Variants in ZSWIM9 observed in about 807,000 individuals in gnomAD.
ZSWIM9 encodes the protein uncharacterized protein ZSWIM9.
Under a neutral mutation model 25.0 loss-of-function variants are expected in ZSWIM9, and 11 were observed. The observed-to-expected ratio is 0.44, with a 90% confidence interval of 0.28 to 0.73. The LOEUF is 0.73. Ranked by LOEUF, ZSWIM9 falls within the 30% of genes least tolerant of loss-of-function variation. ZSWIM9 has a pLI of 0.16. For missense variants in ZSWIM9, 1,070 were observed against 1,296.5 expected (o/e 0.83, Z 2.68); for synonymous variants, 562 against 582.1 (o/e 0.97, Z 0.50).
At chr19:48,193,043 T>C (rs1033988952) in intron 3 of ZSWIM9, 2 of 155,340 alleles carry the variant, frequency 1.3e-5, no homozygotes, top group African/African-American at 4.8e-5. Context: ...AGGGTTGTTA[T>C]TGGGGTCAGC....
Position 48,196,499 on chromosome 19 carries a change from C to A in ZSWIM9, c.2435C>A (p.Pro812His). Residue 812 changes from proline to histidine, a missense_variant, in exon 4 of 4, where the codon CCC becomes CAC. This residue lies in a region of ZSWIM9 where 583 missense variants were observed against 624.7 expected (regional missense o/e 0.93). Coordinates refer to ENST00000614654, the MANE Select transcript of ZSWIM9 (RefSeq NM_199341.4). ...AGGGAACCAAAGAGGCTTTGCCGAC[C>A]CCCGGGAGAGGAGGAGGTGGACTGG... ...GPREPKRLCR[P>H]PGEEEVDWEP... 8.1e-7 allele frequency: 1 copy of A among 1,232,514 alleles called. No individual in the cohort carries two copies. The highest frequency in any genetic ancestry group is 1.0e-6 in the Non-Finnish European group (1 of 988,278). The allele number at this position is 1,232,514 out of a possible 1,614,324, so 76.3% of individuals were successfully genotyped here.
rs1248832907 is a variant in ZSWIM9, at chr19:48,195,790, G to A, written c.1726G>A (p.Val576Ile). The change falls in exon 4 of 4, where the codon GTC (valine) becomes ATC (isoleucine). Residue 576 changes from valine to isoleucine, a missense_variant. By Grantham distance (29) the Val-to-Ile change is conservative. This residue lies in a region of ZSWIM9 where 583 missense variants were observed against 624.7 expected (regional missense o/e 0.93). Transcript: ENST00000614654. This position sits in a 1 kb window ranked among gnomAD's most constrained non-coding sequence, Gnocchi z 5.8. ...GAAAGATTGGGGACTGGAAGGTTAT[G>A]TCTGGAGGGGGTCCCAGTTGGAGGA... The part of the protein sequence containing the change: ...GEKDWGLEGY[V>I]WRGSQLEDQA... 2.0e-6 allele frequency: 3 copies of A among 1,499,504 alleles called. No individual in the cohort carries two copies. The highest frequency in any genetic ancestry group is 1.8e-6 in the Non-Finnish European group (2 of 1,130,646). The allele number at this position is 1,499,504 out of a possible 1,614,324, so 92.9% of individuals were successfully genotyped here.
chr19:48,190,834 C>T (rs939104433), intron 3 of ZSWIM9, among the ~76,000 whole-genome samples: 7 of 152,138 alleles, frequency 4.6e-5, no homozygotes, highest in Admixed American at 1.3e-4. Flanking sequence ...TTTTCTATGC[C>T]GTATAGCCTG....
At chr19:48,189,364 C>G (rs1055740128) in intron 3 of ZSWIM9, 1 of 152,100 alleles carries the variant, frequency 6.6e-6, no homozygotes, top group Non-Finnish European at 1.5e-5. Context: ...GTCAGGAGAT[C>G]AAGACCATCC....
rs2037173621 is a variant in ZSWIM9, at chr19:48,196,855, C to G, written c.*28C>G. The G allele has an allele frequency of 8.0e-7, 1 of 1,247,592 alleles. No homozygotes were observed. Among genetic ancestry groups the G allele is most frequent in the Admixed American group, 3.9e-5 (1 of 25,398 alleles). The allele number at this position is 1,247,592 out of a possible 1,614,324, so 77.3% of individuals were successfully genotyped here. A position where few individuals can be genotyped will look rare whatever the true frequency, so the allele number is the denominator to read the frequency against. On this transcript the variant is annotated 3_prime_UTR_variant, in exon 4 of 4. Coordinates refer to ENST00000614654, the MANE Select transcript of ZSWIM9 (RefSeq NM_199341.4). ...CTTCATGCCTCTGCCCACCACCCTC[C>G]ACCAGGAGGGTCGGAGGGCATTCTT... is the stretch of plus-strand genomic sequence containing the variant.
chr19:48,182,236 GT>G lies in ZSWIM9; in HGVS notation c.276-218del, dbSNP rs1465487830. Reference sequence around the variant, plus strand: ...TGCTCATGACGATCCTATGAGGAAGGTATGATGAGTAGGACCTTCCTTGTAA... The same window carrying G: ...TGCTCATGACGATCCTATGAGGAAGGATGATGAGTAGGACCTTCCTTGTAA... On this transcript the variant is annotated intron_variant, in intron 2 of 3. Transcript: ENST00000614654. The surrounding 1 kb of genome is among the most constrained non-coding windows in gnomAD (Gnocchi z 4.6). 1 of 580,002 alleles carries G rather than the reference GT, an allele frequency of 1.7e-6. No homozygotes were observed. Among genetic ancestry groups the G allele is most frequent in the African/African-American group, 1.9e-5 (1 of 53,376 alleles). 35.9% of individuals were successfully genotyped at this position (580,002 alleles called of 1,614,324 possible). A position where few individuals can be genotyped will look rare whatever the true frequency, so the allele number is the denominator to read the frequency against.
intron 3 of ZSWIM9, among the ~76,000 whole-genome samples, chr19:48,188,485 C>T (rs955691534): frequency 6.6e-6 from 1 of 151,932 alleles, no homozygotes; most frequent in Non-Finnish European, 1.5e-5. Context: ...CCTCGGCCTC[C>T]CAAAGTGCTG....
Position 48,195,418 on chromosome 19 carries a change from C to G in ZSWIM9, c.1354C>G (p.Pro452Ala). Reference sequence around the variant, plus strand: ...GCCCGAGGGGCCCGATGGCGGGGGGCCTTGGCTGGAGGATGAGCCAGGGAG... The same window carrying G: ...GCCCGAGGGGCCCGATGGCGGGGGGGCTTGGCTGGAGGATGAGCCAGGGAG... ...AVPEGPDGGG[P>A]WLEDEPGRGA... The change falls in exon 4 of 4, where the codon CCT (proline) becomes GCT (alanine). Residue 452 changes from proline to alanine, a missense_variant. By Grantham distance (27) the Pro-to-Ala change is conservative. Coordinates refer to ENST00000614654, the MANE Select transcript of ZSWIM9 (RefSeq NM_199341.4). The surrounding 1 kb of genome is among the most constrained non-coding windows in gnomAD (Gnocchi z 5.8). 3 of 1,453,862 alleles carry G rather than the reference C, an allele frequency of 2.1e-6. No individual in the cohort carries two copies. Among genetic ancestry groups the G allele is most frequent in the East Asian group, 2.6e-5 (1 of 37,786 alleles). 90.1% of individuals were successfully genotyped at this position (1,453,862 alleles called of 1,614,324 possible). A position where few individuals can be genotyped will look rare whatever the true frequency, so the allele number is the denominator to read the frequency against.
chr19:48,178,080 TA>T (rs1325840119), intron 2 of ZSWIM9, among the ~76,000 whole-genome samples: 3 of 152,136 alleles, frequency 2.0e-5, no homozygotes, highest in Non-Finnish European at 4.4e-5. Context: ...GTATTTTTAG[TA>T]GAGATGGGGT....
At chr19:48,174,841 C>T (rs968929852) in intron 2 of ZSWIM9, 28 of 152,192 alleles carry the variant, frequency 1.8e-4, no homozygotes, top group Admixed American at 1.6e-3. Flanking sequence ...GTAACAAATG[C>T]TTATTGAGCA....
chr19:48,179,568 ACT>A lies in ZSWIM9; in HGVS notation c.276-2884_276-2883del, dbSNP rs557814041. ...GTCTGAGAACCGCTGTCCTAGACAA[ACT>A]CTTGCTCACACACATAAAGAGATGT... On this transcript the variant is annotated intron_variant, in intron 2 of 3. Coordinates refer to ENST00000614654, the MANE Select transcript of ZSWIM9 (RefSeq NM_199341.4). Among the ~76,000 whole-genome samples, 415 of 152,240 alleles carry A rather than the reference ACT, an allele frequency of 2.7e-3. 10 individuals carry two copies. The highest frequency in any genetic ancestry group is 0.021 in the South Asian group (100 of 4,822).
Position 48,175,714 on chromosome 19 carries a change from G to T in ZSWIM9, c.275+3637G>T, listed in dbSNP as rs180832392. Among the ~76,000 whole-genome samples, 144 of 152,208 alleles carry T rather than the reference G, an allele frequency of 9.5e-4. No homozygotes were observed. The Middle Eastern group carries it at 0.017, about 18-fold the overall frequency. ...GGAACCAGACAAGAACTTTCTTCCT[G>T]TCCACTCCTTCCCCCTTGCCAGAGG... On this transcript the variant is annotated intron_variant, in intron 2 of 3. Transcript: ENST00000614654.
At chr19:48,191,113 T>TGTG (rs1367843263) in intron 3 of ZSWIM9, among the ~76,000 whole-genome samples, 1 of 151,850 alleles carries the variant, frequency 6.6e-6, no homozygotes, top group Non-Finnish European at 1.5e-5. Flanking sequence ...TGTGTGTGTG[T>TGTG]GTGTGTGTGT....
chr19:48,186,134 T>C (rs1280860469), intron 3 of ZSWIM9, among the ~76,000 whole-genome samples: 2 of 152,258 alleles, frequency 1.3e-5, no homozygotes, highest in African/African-American at 4.8e-5. Flanking sequence ...AACAACCTAA[T>C]GTAGCTAGTG....
chr19:48,187,535 TTATTA>T (rs1460941626), intron 3 of ZSWIM9: 122 of 36,622 alleles, frequency 3.3e-3, no homozygotes, highest in East Asian at 7.9e-3. Context: ...TATTATATTA[TTATTA>T]TATTATATTA....
At chr19:48,171,246 G>A (rs2036800205) in intron 1 of ZSWIM9, 1 of 985,424 alleles carries the variant, frequency 1.0e-6, no homozygotes, top group Non-Finnish European at 1.2e-6. Context: ...GGAGCCACAG[G>A]TGCATGAAGC....
intron 2 of ZSWIM9, among the ~76,000 whole-genome samples, chr19:48,177,880 T>C (rs1016224860): frequency 1.3e-5 from 2 of 152,256 alleles, no homozygotes; most frequent in African/African-American, 4.8e-5. Flanking sequence ...GTACATTGAA[T>C]AATTTTCTAA....
intron 3 of ZSWIM9, chr19:48,190,722 T>C (rs1293819895): frequency 1.3e-5 from 2 of 152,730 alleles, no homozygotes; most frequent in Admixed American, 1.3e-4. Flanking sequence ...CCCAAAGCCC[T>C]GTCTGAATAT....
chr19:48,183,095 G>GAATTAATTAATTAATTAATT, intron 3 of ZSWIM9: 1 of 191,994 alleles, frequency 5.2e-6, no homozygotes, highest in East Asian at 1.5e-4. Flanking sequence ...CTGAGGAACT[G>GAATTAATTAATTAATTAATT]AATTAATTAA....
Sources: gnomAD v4.1 joint callset for allele counts (sites outside exome capture counted in the v4.1 genomes callset) on GRCh38, gnomAD v4.1.1 for gene constraint, gnomAD v4.1.1 regional missense constraint, Gnocchi (gnomAD v3.1) non-coding constraint, MANE v1.5 for transcripts, NCBI Gene and HGNC (gene_info 2026-07-23, HGNC 2026-07-21) for gene names.